PRXL2B: variants seen among roughly 807,000 people sequenced by gnomAD.
The protein encoded by PRXL2B is prostamide/prostaglandin F synthase.
Under a neutral mutation model 24.4 loss-of-function variants are expected in PRXL2B, and 26 were observed. The ratio of observed to expected loss-of-function variants is 1.07; its 90% CI spans 0.78 to 1.48. The LOEUF is 1.48. Among genes scored for constraint, PRXL2B ranks in the 40% most tolerant of loss-of-function variants. The probability of loss-of-function intolerance (pLI) is 0.00; values close to 1 mark genes in which losing one functional copy is unlikely to be tolerated. For missense variants in PRXL2B, 269 were observed against 264.8 expected (o/e 1.02, Z -0.11); for synonymous variants, 115 against 118.9 (o/e 0.97, Z 0.21).
rs1024898084 is a variant in PRXL2B at position 2,587,524 on chromosome 1, C to T, written c.269-217C>T. On this transcript the variant is annotated intron_variant, in intron 2 of 6. Coordinates refer to ENST00000419916, the MANE Select transcript of PRXL2B (RefSeq NM_152371.5). The surrounding 1 kb of genome is among the most constrained non-coding windows in gnomAD (Gnocchi z 6.1). Reference sequence around the variant, plus strand: ...CAGAGTCTGGACGAGCTCTGCCCCGCCGGCTCCACCTGTTGCCTCTGGGAC... The same window carrying T: ...CAGAGTCTGGACGAGCTCTGCCCCGTCGGCTCCACCTGTTGCCTCTGGGAC... Among the ~76,000 whole-genome samples the T allele has an allele frequency of 6.6e-6, 1 of 152,158 alleles. No homozygotes were observed. Among genetic ancestry groups the T allele is most frequent in the African/African-American group, 2.4e-5 (1 of 41,438 alleles).
In PRXL2B at chr1:2,587,058, A is replaced by G. The variant is rs1224452550; in HGVS notation, c.64-33A>G. 4 of 1,426,006 alleles carry G rather than the reference A, an allele frequency of 2.8e-6. No individual in the cohort carries two copies. The highest frequency in any genetic ancestry group is 1.5e-5 in the African/African-American group (1 of 66,260). The allele number at this position is 1,426,006 out of a possible 1,614,324, so 88.3% of individuals were successfully genotyped here. On this transcript the variant is annotated intron_variant, in intron 1 of 6. Transcript: ENST00000419916. The surrounding 1 kb of genome is among the most constrained non-coding windows in gnomAD (Gnocchi z 6.1). ...CGGGGCCTGGGCGGGGCTGGGGGCA[A>G]CGGGGCGCGCCCATGACCCAGCCGC... is the stretch of plus-strand genomic sequence containing the variant.
Position 2,589,844 on chromosome 1 carries a change from C to T in PRXL2B, c.*417C>T, listed in dbSNP as rs938570513. 4.0e-5 allele frequency: 9 copies of T among 226,758 alleles called. No homozygotes were observed. The highest frequency in any genetic ancestry group is 3.3e-4 in the South Asian group (4 of 11,968). 14.0% of individuals were successfully genotyped at this position (226,758 alleles called of 1,614,324 possible). ...AGCGTGGGGTCAGCTCCAGCAGGGT[C>T]GGGGTCAGTGCCTGTGTCTGGTGGG... On this transcript the variant is annotated 3_prime_UTR_variant, in exon 7 of 7. Transcript: ENST00000419916.
At position 2,587,156 on chromosome 1, in the gene PRXL2B, G is replaced by A. The variant is rs1644541294; in HGVS notation, c.129G>A (p.Gly43=). 7 of 1,548,574 alleles carry A rather than the reference G, an allele frequency of 4.5e-6. No homozygotes were observed. Among genetic ancestry groups the A allele is most frequent in the Non-Finnish European group, 6.1e-6 (7 of 1,154,112 alleles). Residue 43 remains glycine, a synonymous_variant, in exon 2 of 7, where the codon GGG becomes GGA. Transcript: ENST00000419916. The surrounding 1 kb of genome is among the most constrained non-coding windows in gnomAD (Gnocchi z 6.1). ...TGGTGGCCGGGCTGCGGCGCTTCGGGTGCGTGGTGTGCCGCTGGATCGCCC... is the reference window on the plus strand; with the variant it reads ...TGGTGGCCGGGCTGCGGCGCTTCGGATGCGTGGTGTGCCGCTGGATCGCCC... ...ACVVAGLRRF[G]CVVCRWIAQD...
chr1:2,589,191 C>G (rs536957046), intron 6 of PRXL2B, 151 bp downstream of exon 6: 2 of 1,005,592 alleles, frequency 2.0e-6, no homozygotes, highest in African/African-American at 1.6e-5. Context: ...TGTGACCCCA[C>G]TTGCAGAGTG....
Position 2,589,428 on chromosome 1 carries a change from G to A in PRXL2B, c.*1G>A, listed in dbSNP as rs1644623789. On this transcript the variant is annotated 3_prime_UTR_variant, in exon 7 of 7. Transcript: ENST00000419916. ...CCCACAGTGTGACAGAGAGGTGTGA[G>A]GGAGGCGAAGGCCCTGGCCTCCGAG... is the stretch of plus-strand genomic sequence containing the variant. 1 of 1,613,694 alleles carries A rather than the reference G, an allele frequency of 6.2e-7. No homozygotes were observed. The highest frequency in any genetic ancestry group is 1.3e-5 in the African/African-American group (1 of 74,944).
intron 3 of PRXL2B, among the ~76,000 whole-genome samples, chr1:2,588,119 T>A (rs1644572472): frequency 6.6e-6 from 1 of 152,180 alleles, no homozygotes; most frequent in Non-Finnish European, 1.5e-5. Context: ...AGTTGCCAGC[T>A]GAGCCAGATC....
intron 5 of PRXL2B, 35 bp downstream of exon 5, chr1:2,588,660 A>G: frequency 6.2e-7 from 1 of 1,604,914 alleles, no homozygotes; most frequent in Non-Finnish European, 8.5e-7. Context: ...CACTGCCTCA[A>G]GGAGGGCCTT....
chr1:2,588,580 T>C lies in PRXL2B; in HGVS notation c.415T>C (p.Ser139Pro). The change falls in exon 5 of 7, where the codon TCT becomes CCT. Residue 139 changes from serine (S) to proline (P), a missense_variant. Ser to Pro is a moderately conservative substitution (Grantham distance 74). Coordinates refer to ENST00000419916, the MANE Select transcript of PRXL2B (RefSeq NM_152371.5). Reference protein sequence around the residue: ...AKAVGIQGNLSGDLLQSGGLL... With the variant: ...AKAVGIQGNLPGDLLQSGGLL... ...GGCTGTTGGCATCCAGGGGAACTTG[T>C]CTGGGGACCTGCTGCAGAGCGGAGG... 3 of 1,613,140 alleles carry C rather than the reference T, an allele frequency of 1.9e-6. No individual in the cohort carries two copies. Among genetic ancestry groups the C allele is most frequent in the Non-Finnish European group, 2.5e-6 (3 of 1,179,318 alleles).
At position 2,586,805 on chromosome 1, in the gene PRXL2B, G is replaced by T. The variant is rs1288785341; in HGVS notation, c.-81G>T. On this transcript the variant is annotated 5_prime_UTR_variant, in exon 1 of 7. An upstream open reading frame in the 5' UTR gains an earlier in-frame stop. Coordinates refer to ENST00000419916, the MANE Select transcript of PRXL2B (RefSeq NM_152371.5). ...GCTTGGGGCTGGATCTATGAGCCGG[G>T]AGCGGGGATCCAGGAGCGAGGAGCC... is the stretch of plus-strand genomic sequence containing the variant. 3 of 1,263,942 alleles carry T rather than the reference G, an allele frequency of 2.4e-6. No homozygotes were observed. Among genetic ancestry groups the T allele is most frequent in the Non-Finnish European group, 2.0e-6 (2 of 1,006,616 alleles). The allele number at this position is 1,263,942 out of a possible 1,614,324, so 78.3% of individuals were successfully genotyped here.
At position 2,591,064 on chromosome 1, in the gene PRXL2B, C is replaced by T. The variant is rs1570635504; in HGVS notation, c.*1637C>T. ...CAGTGGAACGTGTCTGCGAAGGCGG[C>T]CAGGTTCTGCAGCGACCCCAGTACC... On this transcript the variant is annotated 3_prime_UTR_variant, in exon 7 of 7. Transcript: ENST00000419916. 1 of 1,604,798 alleles carries T rather than the reference C, an allele frequency of 6.2e-7. No individual in the cohort carries two copies. The highest frequency in any genetic ancestry group is 8.5e-7 in the Non-Finnish European group (1 of 1,176,150).
Position 2,588,631 on chromosome 1 carries a change from T to A in PRXL2B, c.460+6T>A. 2 of 1,613,368 alleles carry A rather than the reference T, an allele frequency of 1.2e-6. No individual in the cohort carries two copies. The highest frequency in any genetic ancestry group is 1.7e-6 in the Non-Finnish European group (2 of 1,179,716). On this transcript the variant is annotated splice_donor_region_variant and intron_variant, in intron 5 of 6. Transcript: ENST00000419916. ...GCTGCTGGTGGTCAGCAAAGGTGGGTCGAGGGAGGGGCCTCGGCCACTGCC... is the reference window on the plus strand; with the variant it reads ...GCTGCTGGTGGTCAGCAAAGGTGGGACGAGGGAGGGGCCTCGGCCACTGCC...
chr1:2,587,265 G>T lies in PRXL2B; in HGVS notation c.238G>T (p.Glu80Ter). 1 of 1,576,354 alleles carries T rather than the reference G, an allele frequency of 6.3e-7. No homozygotes were observed. Residue 80 changes from glutamate to a stop codon, truncating the protein, a stop_gained, in exon 2 of 7, where the codon GAG becomes TAG. Transcript: ENST00000419916. LOFTEE classifies it high-confidence loss of function. The surrounding 1 kb of genome is among the most constrained non-coding windows in gnomAD (Gnocchi z 6.1). Reference sequence around the variant, plus strand: ...AGGGCCCGAGGCCCTGGGTCTGCAGGAGTTCCTGGACGGCGACTACTTCGC... The same window carrying T: ...AGGGCCCGAGGCCCTGGGTCTGCAGTAGTTCCTGGACGGCGACTACTTCGC... Reference protein sequence around the residue: ...GVGPEALGLQEFLDGDYFAGE... With the variant: ...GVGPEALGLQ
intron 5 of PRXL2B, 100 bp from the exon 6 acceptor site, chr1:2,588,822 T>G: frequency 7.7e-7 from 1 of 1,296,514 alleles, no homozygotes; most frequent in Non-Finnish European, 1.1e-6. Flanking sequence ...GGGTGGGGGA[T>G]ATGGCTGGCC....
At chr1:2,586,704 C>CG (rs1644522686), upstream of PRXL2B, 12 of 1,197,302 alleles carry the variant, frequency 1.0e-5, no homozygotes, top group South Asian at 4.1e-5. Context: ...GGGGCGGGCC[C>CG]GGGGCGGAGA....
intron 6 of PRXL2B, 137 bp from the exon 7 acceptor site, chr1:2,589,273 G>A: frequency 7.5e-7 from 1 of 1,333,372 alleles, no homozygotes; most frequent in East Asian, 2.3e-5. Context: ...CTCAGAGGTG[G>A]GGGCGACACA....
intron 5 of PRXL2B, 119 bp downstream of exon 5, chr1:2,588,744 G>T: frequency 7.8e-7 from 1 of 1,279,588 alleles, no homozygotes; most frequent in Non-Finnish European, 1.1e-6. Context: ...GCCGCAATGT[G>T]GCCTGGTTCT....
Position 2,589,499 on chromosome 1 carries a change from G to A in PRXL2B, c.*72G>A, listed in dbSNP as rs1159478630. 3.7e-6 allele frequency: 6 copies of A among 1,609,672 alleles called. No individual in the cohort carries two copies. The highest frequency in any genetic ancestry group is 5.1e-6 in the Non-Finnish European group (6 of 1,176,936). Reference sequence around the variant, plus strand: ...CCCTAGGTGTGCTGGAAGTCCACTTGGAAGAACTGTTCCGGAGGCGCTGGG... The same window carrying A: ...CCCTAGGTGTGCTGGAAGTCCACTTAGAAGAACTGTTCCGGAGGCGCTGGG... On this transcript the variant is annotated 3_prime_UTR_variant, in exon 7 of 7. Coordinates refer to ENST00000419916, the MANE Select transcript of PRXL2B (RefSeq NM_152371.5).
At chr1:2,588,148 G>A (rs1644573171) in intron 3 of PRXL2B, among the ~76,000 whole-genome samples, 2 of 152,304 alleles carry the variant, frequency 1.3e-5, no homozygotes, top group Middle Eastern at 6.8e-3. Context: ...CACCCAGCCT[G>A]GGGCCCCATC....
chr1:2,589,092 T>G, intron 6 of PRXL2B, 52 bp downstream of exon 6: 1 of 1,534,010 alleles, frequency 6.5e-7, no homozygotes, highest in African/African-American at 1.4e-5. Flanking sequence ...TGCCCCTAGG[T>G]CCCCTGGGAG....
Sources: gnomAD v4.1 joint callset for allele counts (sites outside exome capture counted in the v4.1 genomes callset) on GRCh38, gnomAD v4.1.1 for gene constraint, Gnocchi (gnomAD v3.1) non-coding constraint, MANE v1.5 for transcripts, NCBI Gene and HGNC (gene_info 2026-07-23, HGNC 2026-07-21) for gene names.